The following PDLIM2 variants were observed in gnomAD, a reference collection of about 807,000 sequenced individuals.
The protein encoded by PDLIM2 is PDZ and LIM domain 2.
Under a neutral mutation model 54.1 loss-of-function variants are expected in PDLIM2, and 51 were observed. The ratio of observed to expected loss-of-function variants is 0.94; its 90% CI spans 0.75 to 1.19. The LOEUF is 1.19. PDLIM2 is among the 50% of genes most tolerant of loss of function. The pLI is 0.00. For missense variants in PDLIM2, 912 were observed against 874.0 expected, an observed-to-expected ratio of 1.04 and a Z score of -0.55; for synonymous variants, 398 against 385.6, an observed-to-expected ratio of 1.03 and a Z score of -0.38.
At chr8:22,579,887 A>G (rs1459217115) in intron 1 of PDLIM2, 2 of 220,392 alleles carry the variant, frequency 9.1e-6, no homozygotes, top group Non-Finnish European at 1.8e-5. Flanking sequence ...AGCATCAGGA[A>G]TCTGGGGGTG....
At chr8:22,591,208 C>T (rs575182216) in intron 8 of PDLIM2, 16 of 312,136 alleles carry the variant, frequency 5.1e-5, no homozygotes, top group African/African-American at 2.4e-4. Flanking sequence ...AAAGCCACAC[C>T]GAGGCATTGC....
At chr8:22,593,558 CAA>C (rs1800610899) in intron 9 of PDLIM2, 173 bp from the exon 9 acceptor site, 1 of 560,446 alleles carries the variant, frequency 1.8e-6, no homozygotes, top group African/African-American at 2.7e-5. Flanking sequence ...GCCTGGGCAA[CAA>C]GAGCAAAACT....
At chr8:22,586,949 C>G (rs1017128076) in intron 6 of PDLIM2, among the ~76,000 whole-genome samples, 1 of 152,144 alleles carries the variant, frequency 6.6e-6, no homozygotes, top group Non-Finnish European at 1.5e-5. Context: ...TCACTTGGGT[C>G]GGTCCCACCT....
chr8:22,591,318 C>T, intron 8 of PDLIM2: 1 of 581,258 alleles, frequency 1.7e-6, no homozygotes, highest in South Asian at 2.0e-5. Context: ...ACAGATGGCC[C>T]CAGGTGGCCT....
exon 10 of PDLIM2, chr8:22,594,163 AC>A: frequency 7.1e-7 from 1 of 1,414,848 alleles, no homozygotes; most frequent in Non-Finnish European, 9.2e-7. Context: ...CCTTTGATCA[AC>A]CTTTGTGTGC....
intron 6 of PDLIM2, chr8:22,588,408 A>AATGGT (rs1313044396): frequency 1.2e-4 from 18 of 152,292 alleles, no homozygotes; most frequent in African/African-American, 4.3e-4. Context: ...CTTCCCAGGA[A>AATGGT]ATGGTGCCCC....
intron 8 of PDLIM2, 165 bp from the exon 8 acceptor site, chr8:22,591,386 C>T (rs1800541968): frequency 3.0e-6 from 2 of 676,250 alleles, no homozygotes; most frequent in Non-Finnish European, 5.2e-6. Flanking sequence ...CAGCCTCAGC[C>T]ATGGATCTGG....
intron 6 of PDLIM2, among the ~76,000 whole-genome samples, chr8:22,586,984 C>G (rs537640470): frequency 1.3e-5 from 2 of 152,282 alleles, no homozygotes; most frequent in South Asian, 4.1e-4. Context: ...GGACCAGCCC[C>G]CCTTCCTCTC....
At chr8:22,581,272 A>T in intron 2 of PDLIM2, 107 bp from the exon 2 acceptor site, 1 of 1,424,436 alleles carries the variant, frequency 7.0e-7, no homozygotes, top group Non-Finnish European at 9.4e-7. Flanking sequence ...AGGAGGGTGC[A>T]GGCCGGCCTG....
At chr8:22,581,346 C>G (rs34457441) in intron 2 of PDLIM2, 33 bp from the exon 2 acceptor site, 266,794 of 1,565,650 alleles carry the variant, frequency 0.17, 24,117 homozygotes, top group Non-Finnish European at 0.18. Context: ...AGCTGGGCCA[C>G]GGTCTGAGCA....
chr8:22,582,880 G>T (rs1400652415), intron 3 of PDLIM2, among the ~76,000 whole-genome samples: 1 of 149,642 alleles, frequency 6.7e-6, no homozygotes, highest in African/African-American at 2.5e-5. Flanking sequence ...GCCCGGCCCA[G>T]TCTCCTTACT....
At chr8:22,588,605 C>G (rs1356119899) in intron 6 of PDLIM2, 1 of 152,372 alleles carries the variant, frequency 6.6e-6, no homozygotes, top group Non-Finnish European at 1.5e-5. Context: ...GGCGAGATTT[C>G]CATGTTGGGA....
At chr8:22,579,408 C>T in exon 1 of PDLIM2, 3 of 1,512,694 alleles carry the variant, frequency 2.0e-6, no homozygotes, top group Non-Finnish European at 2.6e-6. Context: ...CTCCAGCCCC[C>T]AGCCCGCAGG....
intron 8 of PDLIM2, 114 bp from the exon 8 acceptor site, chr8:22,591,434 CGTG>C: frequency 1.1e-6 from 1 of 873,040 alleles, no homozygotes; most frequent in African/African-American, 1.6e-5. Flanking sequence ...CCACTGTCAG[CGTG>C]ACTTTAGGGT....
chr8:22,596,644 C>T (rs2117377777), downstream of PDLIM2: 1 of 152,326 alleles, frequency 6.6e-6, no homozygotes, highest in South Asian at 2.1e-4. Flanking sequence ...ACTGAAGTGA[C>T]AGATTAGAGT....
chr8:22,585,405 G>T lies in PDLIM2; in HGVS notation c.1290+6G>T. The T allele has an allele frequency of 6.2e-7, 1 of 1,605,190 alleles. No individual in the cohort carries two copies. The highest frequency in any genetic ancestry group is 8.5e-7 in the Non-Finnish European group (1 of 1,176,048). On this transcript the variant is annotated splice_donor_region_variant and intron_variant, in intron 6 of 9. Coordinates refer to ENST00000308354, the Ensembl canonical transcript of PDLIM2. ...GCCGCCCTGGAAGCCGACAGGTGAGGCTCCCTGGGGGAGGACAGGCTGGAG... is the reference window on the plus strand; with the variant it reads ...GCCGCCCTGGAAGCCGACAGGTGAGTCTCCCTGGGGGAGGACAGGCTGGAG...
downstream of PDLIM2, chr8:22,594,676 C>A (rs575707881): frequency 6.3e-7 from 1 of 1,596,752 alleles, no homozygotes; most frequent in Admixed American, 1.7e-5. Context: ...GAGGACCGGC[C>A]GCCCACCAAG....
intron 5 of PDLIM2, 66 bp downstream of exon 4, chr8:22,585,228 G>C: frequency 1.9e-6 from 3 of 1,604,516 alleles, no homozygotes; most frequent in Non-Finnish European, 2.6e-6. Context: ...GCTCCTCTGA[G>C]TCTCAGGAGC....
chr8:22,579,378 C>T (rs1167459716), exon 1 of PDLIM2: 6 of 1,499,438 alleles, frequency 4.0e-6, no homozygotes, highest in East Asian at 2.8e-5. Flanking sequence ...GCTGCGCTCT[C>T]CCCGGCCGGA....
Sources: allele counts gnomAD v4.1 joint callset (sites outside exome capture counted in the v4.1 genomes callset), GRCh38; gene constraint gnomAD v4.1.1; transcripts MANE v1.5; gene names NCBI Gene and HGNC (gene_info 2026-07-23, HGNC 2026-07-21).